The following SETD3 variants were observed in gnomAD, a reference collection of about 807,000 sequenced individuals.
SETD3 encodes actin-histidine N-methyltransferase.
SETD3 carries 19 observed loss-of-function variants against 63.0 expected under a neutral mutation model. The observed-to-expected ratio is 0.30, with a 90% CI of 0.21 to 0.44. The LOEUF is 0.44. Ranked by LOEUF, SETD3 falls within the 20% of genes least tolerant of loss-of-function variation. The pLI is 1.00. For missense variants in SETD3, 587 were observed against 728.5 expected (o/e 0.81, Z 2.24); for synonymous variants, 286 against 264.1 (o/e 1.08, Z -0.80).
At chr14:99,403,455 A>ACACTCTCTCTCTCTCTCTCT (rs1416541957) in intron 11 of SETD3, among the ~76,000 whole-genome samples, 3 of 135,456 alleles carry the variant, frequency 2.2e-5, no homozygotes, top group African/African-American at 9.0e-5. Context: ...ACACACACAC[A>ACACTCTCTCTCTCTCTCTCT]CTCTCTCTCT....
Position 99,399,018 on chromosome 14 carries a change from T to G in SETD3, c.1446A>C (p.Ala482=), listed in dbSNP as rs987418059. ...GGCGATAGTATTCCCGGTTGACAGC[T>G]GCACTCTTTACTGCTTTTTCCAAAA... ...KEILEKAVKS[A]AVNREYYRQQ... The change falls in exon 13 of 13, where the codon GCA becomes GCC. Residue 482 remains alanine (A), a synonymous_variant. Transcript: ENST00000331768. The G allele has an allele frequency of 1.9e-6, 3 of 1,614,120 alleles. No individual in the cohort carries two copies. In the South Asian group the frequency reaches 3.3e-5, roughly 18 times the overall value.
chr14:99,407,808 G>A (rs369249054), intron 8 of SETD3, among the ~76,000 whole-genome samples: 2 of 152,048 alleles, frequency 1.3e-5, no homozygotes, highest in Admixed American at 6.6e-5. Flanking sequence ...CCTCCCCGTC[G>A]GTCACACTTG....
chr14:99,486,144 G>C, the SETD3 span, among the ~76,000 whole-genome samples: 1 of 152,116 alleles, frequency 6.6e-6, no homozygotes, highest in African/African-American at 2.4e-5. Flanking sequence ...TTAGTTCCTT[G>C]TCCTTTAACT....
chr14:99,399,952 G>A, intron 12 of SETD3, 147 bp downstream of exon 12: 1 of 607,550 alleles, frequency 1.6e-6, no homozygotes, highest in Admixed American at 3.3e-5. Context: ...ATGTTGGCCA[G>A]GCTGGTCTTG....
At position 99,398,982 on chromosome 14, in the gene SETD3, C is replaced by T; in HGVS notation, c.1482G>A (p.Glu494=). The T allele has an allele frequency of 6.2e-7, 1 of 1,614,186 alleles. No individual in the cohort carries two copies. The highest frequency in any genetic ancestry group is 8.5e-7 in the Non-Finnish European group (1 of 1,180,042). The change falls in exon 13 of 13, where the codon GAG becomes GAA. Residue 494 remains glutamate, a synonymous_variant. Transcript: ENST00000331768. The part of the protein sequence containing the change: ...VNREYYRQQM[E]EKAPLPKYEE... Reference sequence around the variant, plus strand: ...CATATTTGGGAAGCGGAGCCTTTTCCTCCATCTGTTGGCGATAGTATTCCC... The same window carrying T: ...CATATTTGGGAAGCGGAGCCTTTTCTTCCATCTGTTGGCGATAGTATTCCC...
intron 6 of SETD3, among the ~76,000 whole-genome samples, chr14:99,423,191 T>C (rs947165164): frequency 6.6e-5 from 10 of 152,200 alleles, no homozygotes; most frequent in African/African-American, 2.4e-4. Context: ...TCTTTGTTTA[T>C]AATATACAGT....
At chr14:99,469,992 G>A (rs1383607852) in intron 1 of SETD3, among the ~76,000 whole-genome samples, 2 of 152,138 alleles carry the variant, frequency 1.3e-5, no homozygotes, top group Admixed American at 6.5e-5. Context: ...TCGCTCACAC[G>A]TCTTTCCACA....
chr14:99,478,185 C>T (rs1339935540), intron 1 of SETD3, among the ~76,000 whole-genome samples: 1 of 152,102 alleles, frequency 6.6e-6, no homozygotes, highest in Non-Finnish European at 1.5e-5. Context: ...TGGCCACAAG[C>T]AACATCCAAA....
At chr14:99,454,072 A>T (rs964024609) in intron 6 of SETD3, among the ~76,000 whole-genome samples, 1 of 152,210 alleles carries the variant, frequency 6.6e-6, no homozygotes, top group Non-Finnish European at 1.5e-5. Flanking sequence ...TACCCATCTG[A>T]CTTGATGGTA....
chr14:99,430,311 C>T (rs1893102651), intron 6 of SETD3, among the ~76,000 whole-genome samples: 1 of 152,238 alleles, frequency 6.6e-6, no homozygotes, highest in African/African-American at 2.4e-5. Flanking sequence ...CCATCCAGAT[C>T]TGCCCACTTG....
At chr14:99,424,656 C>T (rs954889032) in intron 6 of SETD3, among the ~76,000 whole-genome samples, 3 of 152,106 alleles carry the variant, frequency 2.0e-5, no homozygotes, top group African/African-American at 7.2e-5. Flanking sequence ...CTTCCCTTAG[C>T]TCTAAGGGGG....
Position 99,398,586 on chromosome 14 carries a change from G to C in SETD3, c.*93C>G. The C allele has an allele frequency of 8.0e-7, 1 of 1,244,060 alleles. No individual in the cohort carries two copies. Among genetic ancestry groups the C allele is most frequent in the Non-Finnish European group, 1.1e-6 (1 of 891,340 alleles). 77.1% of individuals were successfully genotyped at this position (1,244,060 alleles called of 1,614,324 possible). ...GCAAAAACATATCTTCCTCTCTGCAGAAAGAAAAATGTTAACAAGGAAACA... is the reference window on the plus strand; with the variant it reads ...GCAAAAACATATCTTCCTCTCTGCACAAAGAAAAATGTTAACAAGGAAACA... On this transcript the variant is annotated 3_prime_UTR_variant, in exon 13 of 13. Coordinates refer to ENST00000331768, the MANE Select transcript of SETD3 (RefSeq NM_032233.3).
At chr14:99,419,263 T>G (rs1456784447) in intron 6 of SETD3, among the ~76,000 whole-genome samples, 1 of 152,220 alleles carries the variant, frequency 6.6e-6, no homozygotes, top group Non-Finnish European at 1.5e-5. Flanking sequence ...TGCCTTTCGC[T>G]TATATATAAT....
At position 99,458,298 on chromosome 14, in the gene SETD3, T is replaced by C. The variant is rs1165733386; in HGVS notation, c.656A>G (p.Tyr219Cys). 2 of 1,613,858 alleles carry C rather than the reference T, an allele frequency of 1.2e-6. No individual in the cohort carries two copies. Among genetic ancestry groups the C allele is most frequent in the Non-Finnish European group, 1.7e-6 (2 of 1,179,888 alleles). ...QYKNTARQYA[Y>C]FYKVIQTHPH... ...GCTCACCTGGATGACTTTATAGAAG[T>C]AGGCGTACTGTCGAGCTGTGTTTTT... Residue 219 changes from tyrosine (Y) to cysteine (C), a missense_variant, in exon 6 of 13, where the codon TAC (tyrosine) becomes TGC (cysteine). Coordinates refer to ENST00000331768, the MANE Select transcript of SETD3 (RefSeq NM_032233.3).
intron 8 of SETD3, among the ~76,000 whole-genome samples, chr14:99,410,713 C>G (rs1205716455): frequency 1.3e-5 from 2 of 152,240 alleles, no homozygotes; most frequent in Non-Finnish European, 2.9e-5. Flanking sequence ...TTTATATTCA[C>G]CAGAATCTCT....
chr14:99,418,895 G>A (rs559999681), intron 6 of SETD3, among the ~76,000 whole-genome samples: 76 of 152,260 alleles, frequency 5.0e-4, no homozygotes, highest in African/African-American at 1.5e-3. Context: ...TAAATACCTT[G>A]AGGTTTCCCC....
rs1348737806 is a variant in SETD3, at chr14:99,413,054, G to T, written c.746C>A (p.Ser249Tyr). 1 of 1,602,980 alleles carries T rather than the reference G, an allele frequency of 6.2e-7. No homozygotes were observed. The highest frequency in any genetic ancestry group is 8.5e-7 in the Non-Finnish European group (1 of 1,170,070). Residue 249 changes from serine to tyrosine, a missense_variant, in exon 8 of 13, where the codon TCT (serine) becomes TAT (tyrosine). Ser to Tyr is a moderately radical substitution (Grantham distance 144). Transcript: ENST00000331768. Reference sequence around the variant, plus strand: ...TTGGTTTTGCCTCGTCATAACAGAAGAGACTGCCCACCTATAACAAGATAA... The same window carrying T: ...TTGGTTTTGCCTCGTCATAACAGAATAGACTGCCCACCTATAACAAGATAA... ...FTYEDYRWAVSSVMTRQNQIP... is the reference protein window; with the variant it reads ...FTYEDYRWAVYSVMTRQNQIP...
chr14:99,459,628 A>G (rs1179658358), intron 4 of SETD3, among the ~76,000 whole-genome samples: 1 of 152,250 alleles, frequency 6.6e-6, no homozygotes, highest in East Asian at 1.9e-4. Context: ...AAGCCAGAGT[A>G]ACATTCCTTC....
At chr14:99,461,683 G>C (rs1895071320) in intron 3 of SETD3, among the ~76,000 whole-genome samples, 1 of 152,186 alleles carries the variant, frequency 6.6e-6, no homozygotes, top group South Asian at 2.1e-4. Flanking sequence ...CTCCTTAAAA[G>C]TCAAACATGC....
Sources: gnomAD v4.1 joint callset for allele counts (sites outside exome capture counted in the v4.1 genomes callset) on GRCh38, gnomAD v4.1.1 for gene constraint, MANE v1.5 for transcripts, NCBI Gene and HGNC (gene_info 2026-07-23, HGNC 2026-07-21) for gene names.